The following ARHGAP15 variants were observed in gnomAD, a reference collection of about 807,000 sequenced individuals.
ARHGAP15 encodes rho GTPase-activating protein 15.
Under a neutral mutation model 63.7 loss-of-function variants are expected in ARHGAP15, and 51 were observed. That is an observed-to-expected ratio of 0.80 (90% CI 0.64 to 1.01). ARHGAP15 has a LOEUF of 1.01. Ranked by LOEUF, ARHGAP15 falls within the 50% of genes least tolerant of loss-of-function variation. The pLI is 0.00. For synonymous variants in ARHGAP15, 191 were observed against 193.8 expected, an observed-to-expected ratio of 0.99 and a Z score of 0.12; for missense variants, 560 against 564.6, an observed-to-expected ratio of 0.99 and a Z score of 0.08.
At chr2:143,526,319 A>G (rs576144998) in intron 10 of ARHGAP15, among the ~76,000 whole-genome samples, 24 of 151,830 alleles carry the variant, frequency 1.6e-4, no homozygotes, top group Non-Finnish European at 3.2e-4. Context: ...ATATTCCCAC[A>G]CTTTAAAATC....
intron 12 of ARHGAP15, among the ~76,000 whole-genome samples, chr2:143,690,331 G>A (rs1184037901): frequency 1.3e-5 from 2 of 152,212 alleles, no homozygotes; most frequent in Non-Finnish European, 2.9e-5. Context: ...GTGGTTAGGT[G>A]TTGCCAACCA....
chr2:143,589,557 C>G (rs184682311), intron 11 of ARHGAP15, among the ~76,000 whole-genome samples: 3 of 152,310 alleles, frequency 2.0e-5, no homozygotes, highest in Admixed American at 2.0e-4. Context: ...AGCCAACATT[C>G]AAGTCTAGGG....
At chr2:143,512,958 G>A (rs776805686) in intron 9 of ARHGAP15, among the ~76,000 whole-genome samples, 10 of 152,244 alleles carry the variant, frequency 6.6e-5, no homozygotes, top group Non-Finnish European at 1.3e-4. Context: ...CAGTCTCTCA[G>A]TATCCAAATT....
chr2:143,134,141 ATCTATCTATCTACCTATCTATCT>A (rs770242494), intron 1 of ARHGAP15, among the ~76,000 whole-genome samples: 3,383 of 36,632 alleles, frequency 0.092, 49 homozygotes, highest in Non-Finnish European at 0.18. Flanking sequence ...CTATCTATCT[ATCTATCTATCTACCTATCTATCT>A]ATCATCTATC....
intron 6 of ARHGAP15, among the ~76,000 whole-genome samples, chr2:143,378,963 T>C (rs1229092098): frequency 6.6e-6 from 1 of 151,142 alleles, no homozygotes. Flanking sequence ...ACCAATAAGG[T>C]TTTTTTTAAT....
chr2:143,747,668 G>T (rs908788526), intron 13 of ARHGAP15, among the ~76,000 whole-genome samples: 1 of 152,080 alleles, frequency 6.6e-6, no homozygotes, highest in South Asian at 2.1e-4. Context: ...TTCACCTGGC[G>T]ATATGCATTT....
At chr2:143,254,142 C>A (rs879841131) in intron 6 of ARHGAP15, among the ~76,000 whole-genome samples, 1 of 152,074 alleles carries the variant, frequency 6.6e-6, no homozygotes, top group Non-Finnish European at 1.5e-5. Context: ...TGCTAGTTTG[C>A]TCTTTGGTGT....
intron 6 of ARHGAP15, among the ~76,000 whole-genome samples, chr2:143,277,688 T>C (rs181253605): frequency 4.6e-5 from 7 of 152,184 alleles, no homozygotes; most frequent in Admixed American, 3.9e-4. Flanking sequence ...AATCTTTAGA[T>C]TGATTAGTTT....
chr2:143,452,658 T>TC (rs1491294802), intron 8 of ARHGAP15, among the ~76,000 whole-genome samples: 1 of 9,818 alleles, frequency 1.0e-4, no homozygotes, highest in African/African-American at 4.8e-4. Context: ...CCCCTTTGGA[T>TC]TTTTTTTTTT....
At chr2:143,580,135 C>T (rs1696836999) in intron 11 of ARHGAP15, among the ~76,000 whole-genome samples, 1 of 151,550 alleles carries the variant, frequency 6.6e-6, no homozygotes, top group South Asian at 2.1e-4. Context: ...AGTAGAAACT[C>T]GAACAATTTT....
intron 12 of ARHGAP15, among the ~76,000 whole-genome samples, chr2:143,674,208 GCTT>G (rs1239319752): frequency 6.6e-6 from 1 of 152,116 alleles, no homozygotes; most frequent in African/African-American, 2.4e-5. Flanking sequence ...GAATCCACAA[GCTT>G]TTTTCCTCAT....
intron 13 of ARHGAP15, among the ~76,000 whole-genome samples, chr2:143,754,765 C>T (rs955572673): frequency 6.6e-6 from 1 of 152,174 alleles, no homozygotes; most frequent in African/African-American, 2.4e-5. Context: ...GAAAATCTTT[C>T]TCTAGCCTGG....
At chr2:143,588,857 T>G (rs951466276) in intron 11 of ARHGAP15, among the ~76,000 whole-genome samples, 1 of 152,184 alleles carries the variant, frequency 6.6e-6, no homozygotes, top group Admixed American at 6.5e-5. Context: ...TTGGGCAAGT[T>G]TTCTATACTC....
chr2:143,444,163 T>C (rs1363271163), intron 8 of ARHGAP15, among the ~76,000 whole-genome samples: 1 of 152,152 alleles, frequency 6.6e-6, no homozygotes, highest in Admixed American at 6.6e-5. Flanking sequence ...ATGAACTGCA[T>C]TTAATCAATT....
chr2:143,410,668 G>C (rs541659076), intron 6 of ARHGAP15, among the ~76,000 whole-genome samples: 4,524 of 152,138 alleles, frequency 0.03, 229 homozygotes, highest in African/African-American at 0.1. Context: ...CTGGAAATGG[G>C]CAGAAAAATA....
chr2:143,487,592 T>A, intron 9 of ARHGAP15, 97 bp downstream of exon 9: 1 of 1,345,522 alleles, frequency 7.4e-7, no homozygotes, highest in Non-Finnish European at 9.9e-7. Flanking sequence ...GAATATTTTA[T>A]TCTTCTTAGG....
At chr2:143,705,210 C>T (rs1172166476) in intron 13 of ARHGAP15, among the ~76,000 whole-genome samples, 1 of 152,144 alleles carries the variant, frequency 6.6e-6, no homozygotes, top group African/African-American at 2.4e-5. Context: ...TAATCTGACT[C>T]ATCATTTTCT....
At chr2:143,593,575 A>G (rs1390686133) in intron 11 of ARHGAP15, among the ~76,000 whole-genome samples, 1 of 152,202 alleles carries the variant, frequency 6.6e-6, no homozygotes, top group Non-Finnish European at 1.5e-5. Context: ...GTGATCAGGT[A>G]ATTTTTATCT....
intron 11 of ARHGAP15, among the ~76,000 whole-genome samples, chr2:143,591,632 T>TTTTTTTTTCTTTTTC (rs1559068617): frequency 2.0e-5 from 3 of 146,906 alleles, no homozygotes; most frequent in East Asian, 2.0e-4. Flanking sequence ...TTTTTCTTTT[T>TTTTTTTTTCTTTTTC]TTTTTTAGAG....
Sources: allele counts gnomAD v4.1 joint callset (sites outside exome capture counted in the v4.1 genomes callset), GRCh38; gene constraint gnomAD v4.1.1; transcripts MANE v1.5; gene names NCBI Gene and HGNC (gene_info 2026-07-23, HGNC 2026-07-21).